Variants in SS18L1 observed in about 807,000 individuals in gnomAD.
The protein encoded by SS18L1 is SS18L1 subunit of BAF chromatin remodeling complex.
A neutral mutation model predicts 70.3 loss-of-function variants in SS18L1; 32 were observed. That is an observed-to-expected ratio of 0.46 (90% CI 0.34 to 0.61). The LOEUF (loss-of-function observed/expected upper bound fraction) is 0.61, where lower values mean the gene tolerates loss of function less well. SS18L1 is among the 20% of genes least tolerant of loss of function. SS18L1 has a pLI of 0.01. For synonymous variants in SS18L1, 237 were observed against 229.7 expected, an observed-to-expected ratio of 1.03 and a Z score of -0.29; for missense variants, 430 against 542.1, an observed-to-expected ratio of 0.79 and a Z score of 2.05.
chr20:62,161,637 T>C lies in SS18L1; in HGVS notation c.376+57T>C. 6.4e-7 allele frequency: 1 copy of C among 1,564,048 alleles called. No individual in the cohort carries two copies. Among genetic ancestry groups the C allele is most frequent in the Non-Finnish European group, 8.7e-7 (1 of 1,149,910 alleles). On this transcript the variant is annotated intron_variant, in intron 4 of 10. Coordinates refer to ENST00000331758, the MANE Select transcript of SS18L1 (RefSeq NM_198935.3). The surrounding 1 kb of genome is among the most constrained non-coding windows in gnomAD (Gnocchi z 4.4). Reference sequence around the variant, plus strand: ...GCTACGAGGCCACCAAGGCAGCCCTTGGGCAGCCGGCTGCCATGGTGGGGC... The same window carrying C: ...GCTACGAGGCCACCAAGGCAGCCCTCGGGCAGCCGGCTGCCATGGTGGGGC...
rs2057671488 is a variant in SS18L1, at chr20:62,179,177, T to C, written c.1165-5T>C. The C allele has an allele frequency of 6.2e-7, 1 of 1,614,016 alleles. No homozygotes were observed. The highest frequency in any genetic ancestry group is 8.5e-7 in the Non-Finnish European group (1 of 1,179,992). On this transcript the variant is annotated splice_region_variant and splice_polypyrimidine_tract_variant and intron_variant, in intron 10 of 10. Transcript: ENST00000331758. ...GGGTGTAATCTGTGTCTTGATCTCT[T>C]TTAGGGCCAGTATGGAAATTACCAG...
In SS18L1 at chr20:62,158,904, C is replaced by G. The variant is rs779265619; in HGVS notation, c.146+156C>G. ...AGATATGTCCCAGGAGTCCCCTGCA[C>G]AGAGGCCAGATATGTCCCAGGAGTC... On this transcript the variant is annotated intron_variant, in intron 2 of 10. Coordinates refer to ENST00000331758, the MANE Select transcript of SS18L1 (RefSeq NM_198935.3). The surrounding 1 kb of genome is among the most constrained non-coding windows in gnomAD (Gnocchi z 4.5). 1.2e-6 allele frequency: 2 copies of G among 1,600,638 alleles called. No individual in the cohort carries two copies. Among genetic ancestry groups the G allele is most frequent in the Non-Finnish European group, 1.7e-6 (2 of 1,175,592 alleles).
Position 62,158,649 on chromosome 20 carries a change from G to A in SS18L1, c.70-23G>A, listed in dbSNP as rs778019206. The A allele has an allele frequency of 1.9e-5, 31 of 1,610,436 alleles. No individual in the cohort carries two copies. The highest frequency in any genetic ancestry group is 1.7e-4 in the Middle Eastern group (1 of 6,016). On this transcript the variant is annotated intron_variant, in intron 1 of 10. Coordinates refer to ENST00000331758, the MANE Select transcript of SS18L1 (RefSeq NM_198935.3). The surrounding 1 kb of genome is among the most constrained non-coding windows in gnomAD (Gnocchi z 4.5). The stretch of plus-strand genomic sequence containing the variant: ...TCAGCGACAGCCCCGCGTCGGCAGC[G>A]CCCGCTCACGCTCTCTCCGCAGATG...
chr20:62,166,045 C>T (rs6121934), intron 8 of SS18L1, among the ~76,000 whole-genome samples: 23,562 of 152,216 alleles, frequency 0.15, 2,939 homozygotes, highest in African/African-American at 0.34. Flanking sequence ...CTGGGGGCTG[C>T]GTGTCGGGTG....
chr20:62,151,263 G>T (rs1225109303), intron 1 of SS18L1, among the ~76,000 whole-genome samples: 2 of 152,186 alleles, frequency 1.3e-5, no homozygotes, highest in Non-Finnish European at 2.9e-5. Flanking sequence ...GGACCCCACG[G>T]TGGGGCTTCA....
In SS18L1 at chr20:62,162,746, T is replaced by C. The variant is rs1274083569; in HGVS notation, c.377-6T>C. ...GCCTGACACCACTCCCTGCTCCCCA[T>C]GCCAGGGCCGAGCCACGTGTCCATG... On this transcript the variant is annotated splice_region_variant and splice_polypyrimidine_tract_variant and intron_variant, in intron 4 of 10. Transcript: ENST00000331758. The C allele has an allele frequency of 1.2e-6, 2 of 1,605,200 alleles. No homozygotes were observed. The highest frequency in any genetic ancestry group is 4.5e-5 in the East Asian group (2 of 44,650).
chr20:62,169,228 G>A (rs1032508231), intron 8 of SS18L1, among the ~76,000 whole-genome samples: 8 of 152,338 alleles, frequency 5.3e-5, no homozygotes, highest in South Asian at 2.1e-4. Flanking sequence ...GGAGCTGGGC[G>A]CATGGGATGT....
chr20:62,172,823 C>T (rs749624711), intron 9 of SS18L1, 22 bp downstream of exon 9: 12 of 1,607,668 alleles, frequency 7.5e-6, no homozygotes, highest in East Asian at 6.7e-5. Context: ...GCACGGTCCT[C>T]GGGGCCCCCC....
intron 1 of SS18L1, among the ~76,000 whole-genome samples, chr20:62,144,480 C>A (rs968679244): frequency 6.6e-6 from 1 of 152,238 alleles, no homozygotes; most frequent in African/African-American, 2.4e-5. Flanking sequence ...GGACGCGTCC[C>A]GATCCCCATT....
chr20:62,151,847 C>A (rs1451155275), intron 1 of SS18L1, among the ~76,000 whole-genome samples: 3 of 140,598 alleles, frequency 2.1e-5, no homozygotes, highest in Non-Finnish European at 4.6e-5. Flanking sequence ...CTCCCCCGTT[C>A]CCCTCTTTTC....
chr20:62,180,736 AAAT>A lies in SS18L1; in HGVS notation c.*1530_*1532del, dbSNP rs1301166231. ...CATGGAGAAACCCCGTCCCTACTAA[AAAT>A]ACAAAATTAGCCAGGTATGGTGGTG... is the stretch of plus-strand genomic sequence containing the variant. On this transcript the variant is annotated 3_prime_UTR_variant, in exon 11 of 11. Coordinates refer to ENST00000331758, the MANE Select transcript of SS18L1 (RefSeq NM_198935.3). 12 of 159,786 alleles carry A rather than the reference AAAT, an allele frequency of 7.5e-5. No individual in the cohort carries two copies. In the East Asian group the frequency reaches 1.6e-3, roughly 21 times the overall value. The allele number at this position is 159,786 out of a possible 1,614,324, so 9.9% of individuals were successfully genotyped here.
Position 62,151,213 on chromosome 20 carries a change from G to A in SS18L1, c.69+7324G>A, listed in dbSNP as rs183336007. Among the ~76,000 whole-genome samples, 94 of 152,178 alleles carry A rather than the reference G, an allele frequency of 6.2e-4. 2 individuals carry two copies. The East Asian group carries it at 0.01, about 16-fold the overall frequency. ...GTGGGCTCTGGGACCCCAGTTCTCC[G>A]TCCCTGGTTCTCATCCTCACTCCCT... On this transcript the variant is annotated intron_variant, in intron 1 of 10. Transcript: ENST00000331758.
intron 1 of SS18L1, among the ~76,000 whole-genome samples, chr20:62,148,599 G>A (rs2145692623): frequency 6.6e-6 from 1 of 151,958 alleles, no homozygotes; most frequent in South Asian, 2.1e-4. Context: ...GCTGTCTTCG[G>A]TCAGGTGAGG....
intron 1 of SS18L1, among the ~76,000 whole-genome samples, chr20:62,155,364 G>T (rs2057203965): frequency 6.6e-6 from 1 of 152,202 alleles, no homozygotes; most frequent in Non-Finnish European, 1.5e-5. Flanking sequence ...AGTAAGCCAA[G>T]ATCACGCCAC....
At chr20:62,163,692 T>C (rs2057374676) in intron 6 of SS18L1, 70 bp downstream of exon 6, 4 of 1,454,008 alleles carry the variant, frequency 2.8e-6, no homozygotes, top group South Asian at 2.8e-5. Context: ...AGGCTGTGTG[T>C]GCTTCTCTTC....
rs763805365 is a variant in SS18L1 at position 62,181,918 on chromosome 20, A to G, written c.*2710A>G. The G allele has an allele frequency of 1.5e-4, 34 of 228,416 alleles. No homozygotes were observed. Among genetic ancestry groups the G allele is most frequent in the Middle Eastern group, 1.3e-3 (1 of 784 alleles). 14.1% of individuals were successfully genotyped at this position (228,416 alleles called of 1,614,324 possible). The stretch of plus-strand genomic sequence containing the variant: ...AAAATTGACGCTCATTCTTCTTCCT[A>G]TTGTTCCCTGACATCCAGCAAATTG... On this transcript the variant is annotated 3_prime_UTR_variant, in exon 11 of 11. Coordinates refer to ENST00000331758, the MANE Select transcript of SS18L1 (RefSeq NM_198935.3).
intron 1 of SS18L1, among the ~76,000 whole-genome samples, chr20:62,148,177 G>C (rs542755468): frequency 2.0e-5 from 3 of 152,382 alleles, no homozygotes; most frequent in East Asian, 1.9e-4. Flanking sequence ...TCATTCCGGA[G>C]CCTGGGCTCA....
Position 62,174,355 on chromosome 20 carries a change from C to T in SS18L1, c.1037-162C>T, listed in dbSNP as rs2057583223. On this transcript the variant is annotated intron_variant, in intron 9 of 10. Coordinates refer to ENST00000331758, the MANE Select transcript of SS18L1 (RefSeq NM_198935.3). The surrounding 1 kb of genome is among the most constrained non-coding windows in gnomAD (Gnocchi z 4.1). ...GCTGTACAGAGTTAACGTGGAGCCA[C>T]GTGCAGGTGCCAGGTGTTCTGGAGA... Among the ~76,000 whole-genome samples, 1 of 151,706 alleles carries T rather than the reference C, an allele frequency of 6.6e-6. No homozygotes were observed. Among genetic ancestry groups the T allele is most frequent in the African/African-American group, 2.4e-5 (1 of 41,182 alleles).
chr20:62,165,408 T>A lies in SS18L1; in HGVS notation c.824-14T>A, dbSNP rs1162813588. On this transcript the variant is annotated splice_polypyrimidine_tract_variant and intron_variant, in intron 7 of 10. Transcript: ENST00000331758. ...ACAGCCTCCGCTGACTGTCGCCGTCTCCGTTTCGCACAGGCCATGGCGATT... is the reference window on the plus strand; with the variant it reads ...ACAGCCTCCGCTGACTGTCGCCGTCACCGTTTCGCACAGGCCATGGCGATT... 6.2e-7 allele frequency: 1 copy of A among 1,608,320 alleles called. No individual in the cohort carries two copies. The highest frequency in any genetic ancestry group is 1.7e-5 in the Admixed American group (1 of 59,644).
Sources: allele counts gnomAD v4.1 joint callset (sites outside exome capture counted in the v4.1 genomes callset), GRCh38; gene constraint gnomAD v4.1.1; non-coding constraint Gnocchi (gnomAD v3.1); transcripts MANE v1.5; gene names NCBI Gene and HGNC (gene_info 2026-07-23, HGNC 2026-07-21).